The following HSD17B11 variants were observed in gnomAD, a reference collection of about 807,000 sequenced individuals.
HSD17B11 encodes the protein estradiol 17-beta-dehydrogenase 11.
In HSD17B11, 22 loss-of-function variants were observed where a neutral mutation model predicts 27.8. The ratio of observed to expected loss-of-function variants is 0.79; its 90% CI spans 0.56 to 1.13. The LOEUF is 1.13. Ranked by LOEUF, HSD17B11 falls within the 50% of genes most tolerant of loss-of-function variation. HSD17B11 has a pLI of 0.00. For missense variants in HSD17B11, 314 were observed against 351.1 expected (o/e 0.89, Z 0.84); for synonymous variants, 117 against 132.8 (o/e 0.88, Z 0.82).
intron 5 of HSD17B11, among the ~76,000 whole-genome samples, chr4:87,341,788 C>T (rs1735174531): frequency 6.6e-6 from 1 of 151,872 alleles, no homozygotes; most frequent in Non-Finnish European, 1.5e-5. Context: ...ATCCTTTGAG[C>T]CTGGGAGGCT....
chr4:87,357,552 G>C (rs560528795), intron 4 of HSD17B11, 136 bp from the exon 5 acceptor site: 21 of 689,696 alleles, frequency 3.0e-5, no homozygotes, highest in African/African-American at 2.1e-4. Flanking sequence ...TACTGCATCA[G>C]AGCCCACATC....
rs1735746390 is a variant in HSD17B11, at chr4:87,372,814, G to A, written c.452C>T (p.Thr151Ile). The A allele has an allele frequency of 1.3e-6, 2 of 1,587,516 alleles. No individual in the cohort carries two copies. Among genetic ancestry groups the A allele is most frequent in the Admixed American group, 3.4e-5 (2 of 59,342 alleles). ...CATTGCAGGAAGAAATGCCTTTGTA[G>A]TCTACAAATAGTTTTTATTAAAAGA... is the stretch of plus-strand genomic sequence containing the variant. Reference protein sequence around the residue: ...FEVNVLAHFWTTKAFLPAMTK... With the variant: ...FEVNVLAHFWITKAFLPAMTK... Residue 151 changes from threonine to isoleucine, a missense_variant and splice_region_variant, in exon 4 of 7, where the codon ACT becomes ATT. Thr to Ile is a moderately conservative substitution (Grantham distance 89). Coordinates refer to ENST00000358290, the MANE Select transcript of HSD17B11 (RefSeq NM_016245.5).
At chr4:87,378,960 ATTTTTTTT>A (rs781211835) in intron 2 of HSD17B11, among the ~76,000 whole-genome samples, 1 of 25,610 alleles carries the variant, frequency 3.9e-5, no homozygotes, top group South Asian at 7.0e-4. Context: ...ATATATATAT[ATTTTTTTT>A]TTTTTTTGAG....
At chr4:87,346,541 T>C (rs1329607348) in intron 5 of HSD17B11, among the ~76,000 whole-genome samples, 1 of 152,074 alleles carries the variant, frequency 6.6e-6, no homozygotes, top group African/African-American at 2.4e-5. Flanking sequence ...TCCCAGCTAC[T>C]TGGGAGGCTG....
chr4:87,390,579 C>G (rs1395582245), intron 1 of HSD17B11, among the ~76,000 whole-genome samples: 1 of 152,036 alleles, frequency 6.6e-6, no homozygotes, highest in African/African-American at 2.4e-5. Context: ...ATAGAGGGAT[C>G]AATGAAATCA....
intron 2 of HSD17B11, among the ~76,000 whole-genome samples, chr4:87,378,857 A>AATATATATAAAT (rs1560769129): frequency 1.0e-4 from 2 of 19,232 alleles, no homozygotes; most frequent in African/African-American, 6.3e-4. Context: ...TATATATATA[A>AATATATATAAAT]ATATATATAA....
At chr4:87,365,689 G>A (rs1735601051) in intron 4 of HSD17B11, among the ~76,000 whole-genome samples, 1 of 151,978 alleles carries the variant, frequency 6.6e-6, no homozygotes, top group Non-Finnish European at 1.5e-5. Flanking sequence ...GTGTAATTAA[G>A]ACTACTGAAG....
chr4:87,384,702 G>A (rs892180037), intron 1 of HSD17B11, among the ~76,000 whole-genome samples: 6 of 151,732 alleles, frequency 4.0e-5, no homozygotes, highest in Non-Finnish European at 7.4e-5. Flanking sequence ...ACTTTGCCCT[G>A]GTAAATCTGT....
chr4:87,356,390 A>G (rs947745286), intron 5 of HSD17B11, among the ~76,000 whole-genome samples: 3 of 152,188 alleles, frequency 2.0e-5, no homozygotes, highest in African/African-American at 7.2e-5. Context: ...AGGAGATGCT[A>G]TTGCTCCCAA....
At chr4:87,387,201 A>G (rs2110135306) in intron 1 of HSD17B11, 1 of 152,354 alleles carries the variant, frequency 6.6e-6, no homozygotes, top group South Asian at 2.1e-4. Context: ...CAAGCATGGG[A>G]ATGAGAATAG....
At chr4:87,368,527 A>G (rs1735649878) in intron 4 of HSD17B11, among the ~76,000 whole-genome samples, 1 of 152,136 alleles carries the variant, frequency 6.6e-6, no homozygotes, top group South Asian at 2.1e-4. Context: ...CTCTTATAAA[A>G]GGGAAGGGGG....
intron 5 of HSD17B11, among the ~76,000 whole-genome samples, chr4:87,355,020 G>C (rs1735359887): frequency 6.6e-6 from 1 of 151,414 alleles, no homozygotes; most frequent in Non-Finnish European, 1.5e-5. Context: ...TCAGGAGGCT[G>C]AGGTGGAGGG....
intron 4 of HSD17B11, among the ~76,000 whole-genome samples, chr4:87,358,967 A>G (rs2110118212): frequency 6.6e-6 from 1 of 152,210 alleles, no homozygotes; most frequent in East Asian, 1.9e-4. Flanking sequence ...AGTTTTCCCC[A>G]TGCTGTTCTC....
At chr4:87,363,817 G>A (rs1735567751) in intron 4 of HSD17B11, among the ~76,000 whole-genome samples, 1 of 152,176 alleles carries the variant, frequency 6.6e-6, no homozygotes, top group Admixed American at 6.5e-5. Context: ...CCCCACCCAG[G>A]AAATAAGTCA....
chr4:87,377,577 G>A (rs1162389421), intron 2 of HSD17B11, among the ~76,000 whole-genome samples: 1 of 152,070 alleles, frequency 6.6e-6, no homozygotes, highest in Non-Finnish European at 1.5e-5. Flanking sequence ...AAAGATCATA[G>A]AATCTTGATG....
At chr4:87,343,302 C>T (rs1193768514) in intron 5 of HSD17B11, among the ~76,000 whole-genome samples, 2 of 152,110 alleles carry the variant, frequency 1.3e-5, no homozygotes, top group Non-Finnish European at 2.9e-5. Context: ...TATGTGGAAA[C>T]ATTTTTTTTC....
At chr4:87,354,032 T>G (rs1735334724) in intron 5 of HSD17B11, among the ~76,000 whole-genome samples, 1 of 152,184 alleles carries the variant, frequency 6.6e-6, no homozygotes, top group Admixed American at 6.5e-5. Context: ...ACTGATAAAT[T>G]TAAACATTGA....
chr4:87,386,577 T>C (rs1720325163), intron 1 of HSD17B11, among the ~76,000 whole-genome samples: 2 of 148,364 alleles, frequency 1.3e-5, no homozygotes, highest in Non-Finnish European at 3.0e-5. Flanking sequence ...TGGTAAGAAA[T>C]AAAAAATAAG....
At chr4:87,390,385 T>C (rs1720427123) in intron 1 of HSD17B11, among the ~76,000 whole-genome samples, 1 of 152,188 alleles carries the variant, frequency 6.6e-6, no homozygotes, top group Non-Finnish European at 1.5e-5. Flanking sequence ...CTCGATCTCC[T>C]GACCTCGCGA....
Sources: gnomAD v4.1 joint callset for allele counts (sites outside exome capture counted in the v4.1 genomes callset) on GRCh38, gnomAD v4.1.1 for gene constraint, MANE v1.5 for transcripts, NCBI Gene and HGNC (gene_info 2026-07-23, HGNC 2026-07-21) for gene names.